TMEM135: variants seen among roughly 807,000 people sequenced by gnomAD.
TMEM135 encodes the protein peroxisomal membrane protein 52.
A neutral mutation model predicts 60.3 loss-of-function variants in TMEM135; 30 were observed. That is an observed-to-expected ratio of 0.50 (90% CI 0.37 to 0.68). The LOEUF is 0.68. Ranked by LOEUF, TMEM135 falls within the 30% of genes least tolerant of loss-of-function variation. The probability of loss-of-function intolerance (pLI) is 0.00; values close to 1 mark genes in which losing one functional copy is unlikely to be tolerated. For synonymous variants in TMEM135, 190 were observed against 186.7 expected, an observed-to-expected ratio of 1.02 and a Z score of -0.14; for missense variants, 468 against 548.8, an observed-to-expected ratio of 0.85 and a Z score of 1.47.
intron 5 of TMEM135, among the ~76,000 whole-genome samples, chr11:87,185,931 A>G (rs1939642782): frequency 1.3e-5 from 1 of 79,164 alleles, no homozygotes; most frequent in Non-Finnish European, 2.7e-5. Flanking sequence ...TTTGTGAGAC[A>G]GAGGTTCATT....
intron 5 of TMEM135, among the ~76,000 whole-genome samples, chr11:87,176,622 T>C (rs1939375785): frequency 6.6e-6 from 1 of 152,196 alleles, no homozygotes. Flanking sequence ...AATTTCCATA[T>C]ACCTTTGAAT....
chr11:87,261,751 G>A (rs557949161), intron 6 of TMEM135, among the ~76,000 whole-genome samples: 5 of 152,012 alleles, frequency 3.3e-5, no homozygotes, highest in African/African-American at 1.2e-4. Flanking sequence ...CCTCCTGGGT[G>A]GCTGGGACCA....
intron 5 of TMEM135, among the ~76,000 whole-genome samples, chr11:87,198,518 C>G (rs1311870101): frequency 6.8e-6 from 1 of 146,212 alleles, no homozygotes; most frequent in East Asian, 2.1e-4. Context: ...CCTCCCCGCT[C>G]TGTTTCTCCC....
chr11:87,204,327 A>AT (rs1009866037), intron 5 of TMEM135, among the ~76,000 whole-genome samples: 5 of 151,712 alleles, frequency 3.3e-5, no homozygotes, highest in African/African-American at 1.2e-4. Flanking sequence ...CTGTAATTTG[A>AT]TTTTTTTCTT....
chr11:87,246,582 C>T (rs1941277207), intron 6 of TMEM135, among the ~76,000 whole-genome samples: 1 of 151,984 alleles, frequency 6.6e-6, no homozygotes, highest in Non-Finnish European at 1.5e-5. Context: ...AACTTCCCTT[C>T]TTGCTTCATT....
intron 6 of TMEM135, among the ~76,000 whole-genome samples, chr11:87,262,204 C>G (rs1422867860): frequency 6.6e-6 from 1 of 152,116 alleles, no homozygotes; most frequent in African/African-American, 2.4e-5. Context: ...TGCTCCTGTT[C>G]CAGTATTTCT....
intron 5 of TMEM135, among the ~76,000 whole-genome samples, chr11:87,224,844 A>C (rs1940733065): frequency 6.6e-6 from 1 of 151,912 alleles, no homozygotes; most frequent in Non-Finnish European, 1.5e-5. Flanking sequence ...AGTTTATATA[A>C]ACACATTGAA....
chr11:87,213,265 A>G (rs188326551), intron 5 of TMEM135, among the ~76,000 whole-genome samples: 1 of 152,294 alleles, frequency 6.6e-6, no homozygotes, highest in Admixed American at 6.5e-5. Flanking sequence ...AGCCAAACTG[A>G]TGCTTCTCTA....
chr11:87,195,317 CCT>C (rs1358748999), intron 5 of TMEM135, among the ~76,000 whole-genome samples: 1 of 6,170 alleles, frequency 1.6e-4, no homozygotes, highest in East Asian at 2.7e-3. Flanking sequence ...CTTTCTCTTT[CCT>C]TCCTTCCTTC....
chr11:87,054,573 T>C (rs1005912137), intron 1 of TMEM135, among the ~76,000 whole-genome samples: 1 of 152,234 alleles, frequency 6.6e-6, no homozygotes, highest in Non-Finnish European at 1.5e-5. Context: ...GAATGCTGAA[T>C]TTTTTCAACT....
chr11:87,213,530 A>T (rs566218413), intron 5 of TMEM135, among the ~76,000 whole-genome samples: 1 of 152,228 alleles, frequency 6.6e-6, no homozygotes, highest in East Asian at 1.9e-4. Flanking sequence ...TCTGCAGAAG[A>T]TTAATTTTCA....
At chr11:87,223,236 C>G (rs1448649493) in intron 5 of TMEM135, among the ~76,000 whole-genome samples, 1 of 150,074 alleles carries the variant, frequency 6.7e-6, no homozygotes, top group East Asian at 2.0e-4. Flanking sequence ...GCGATCTCGG[C>G]TCACTGCAAG....
chr11:87,168,258 C>G (rs557399021), intron 5 of TMEM135, among the ~76,000 whole-genome samples: 3 of 152,162 alleles, frequency 2.0e-5, no homozygotes, highest in South Asian at 4.2e-4. Flanking sequence ...AAAACCAGCT[C>G]CTGGATTCAT....
chr11:87,039,292 A>G (rs1233757161), intron 1 of TMEM135, among the ~76,000 whole-genome samples: 1 of 152,152 alleles, frequency 6.6e-6, no homozygotes, highest in Admixed American at 6.5e-5. Context: ...GTATAGACTG[A>G]TGCTTCTCAC....
chr11:87,229,611 C>T (rs1426226850), intron 5 of TMEM135, among the ~76,000 whole-genome samples: 9 of 152,172 alleles, frequency 5.9e-5, no homozygotes, highest in Admixed American at 5.9e-4. Flanking sequence ...GACAAGAATT[C>T]ACCTCCAGAG....
chr11:87,100,693 A>G (rs771459428), intron 4 of TMEM135, among the ~76,000 whole-genome samples: 1 of 152,030 alleles, frequency 6.6e-6, no homozygotes, highest in African/African-American at 2.4e-5. Context: ...GAAACTCCGT[A>G]TCTACTAAAA....
rs1940528395 is a variant in TMEM135, at chr11:87,217,549, G to A, written c.463-19089G>A. 2.0e-5 allele frequency among the ~76,000 whole-genome samples: 3 copies of A among 152,100 alleles called. No individual in the cohort carries two copies. In the South Asian group the frequency reaches 6.2e-4, roughly 32 times the overall value. On this transcript the variant is annotated intron_variant, in intron 5 of 14. Transcript: ENST00000305494. ...GCCTGTAATCTCAGCACTTTGGGAGGCTGAGGTGGGCAGATCACCTGAGGA... is the reference window on the plus strand; with the variant it reads ...GCCTGTAATCTCAGCACTTTGGGAGACTGAGGTGGGCAGATCACCTGAGGA...
At chr11:87,144,716 G>A (rs1322360477) in intron 4 of TMEM135, among the ~76,000 whole-genome samples, 1 of 150,206 alleles carries the variant, frequency 6.7e-6, no homozygotes, top group Non-Finnish European at 1.5e-5. Flanking sequence ...GAAAGTGTGT[G>A]TGTGTGTGTG....
chr11:87,285,512 A>G (rs1942147897), intron 6 of TMEM135, among the ~76,000 whole-genome samples: 2 of 152,010 alleles, frequency 1.3e-5, no homozygotes, highest in South Asian at 2.1e-4. Flanking sequence ...GGTAAGTGTT[A>G]CAGCTCTTAA....
Sources: allele counts gnomAD v4.1 joint callset (sites outside exome capture counted in the v4.1 genomes callset), GRCh38; gene constraint gnomAD v4.1.1; transcripts MANE v1.5; gene names NCBI Gene and HGNC (gene_info 2026-07-23, HGNC 2026-07-21).